Variants in PTP4A2 observed in about 807,000 individuals in gnomAD.
The protein encoded by PTP4A2 is protein tyrosine phosphatase type IVA 2.
In PTP4A2, 2 loss-of-function variants were observed where a neutral mutation model predicts 22.9. The ratio of observed to expected loss-of-function variants is 0.09; its 90% CI spans 0.04 to 0.27. PTP4A2 has a LOEUF of 0.27. PTP4A2 is among the 10% of genes least tolerant of loss of function. PTP4A2 has a pLI of 1.00. For synonymous variants in PTP4A2, 68 were observed against 69.1 expected, an observed-to-expected ratio of 0.98 and a Z score of 0.08; for missense variants, 103 against 205.1, an observed-to-expected ratio of 0.50 and a Z score of 3.04.
intron 1 of PTP4A2, among the ~76,000 whole-genome samples, chr1:31,929,425 T>C (rs1652625362): frequency 6.6e-6 from 1 of 152,250 alleles, no homozygotes; most frequent in South Asian, 2.1e-4. Flanking sequence ...TCCATACTTT[T>C]GTGACAAAAG....
At chr1:31,928,258 A>T (rs1652563658) in intron 1 of PTP4A2, among the ~76,000 whole-genome samples, 2 of 147,998 alleles carry the variant, frequency 1.4e-5, no homozygotes, top group East Asian at 1.9e-4. Flanking sequence ...AATTATATAC[A>T]ATATAATATT....
intron 1 of PTP4A2, among the ~76,000 whole-genome samples, chr1:31,922,467 G>A (rs1449556389): frequency 6.6e-6 from 1 of 152,138 alleles, no homozygotes; most frequent in Non-Finnish European, 1.5e-5. Flanking sequence ...TGGGCAACAA[G>A]AGAGAAACTC....
rs1651356605 is a variant in PTP4A2, at chr1:31,908,372, A to C, written c.*480T>G. ...AAAAGGGAGATGTAGGAGAGGAAGGAAAAAAGAGGGGAAAAATATACCACC... is the reference window on the plus strand; with the variant it reads ...AAAAGGGAGATGTAGGAGAGGAAGGCAAAAAGAGGGGAAAAATATACCACC... On this transcript the variant is annotated 3_prime_UTR_variant, in exon 6 of 6. Transcript: ENST00000647444. 1 of 147,934 alleles carries C rather than the reference A, an allele frequency of 6.8e-6. No homozygotes were observed. Among genetic ancestry groups the C allele is most frequent in the South Asian group, 2.1e-4 (1 of 4,706 alleles). 9.2% of individuals were successfully genotyped at this position (147,934 alleles called of 1,614,324 possible).
Position 31,908,604 on chromosome 1 carries a change from A to T in PTP4A2, c.*248T>A. On this transcript the variant is annotated 3_prime_UTR_variant, in exon 6 of 6. Transcript: ENST00000647444. ...ATCCTGGCAGAAATTCAAACTCCAAAACTAGGAGCAAAATCATCCTTCACT... is the reference window on the plus strand; with the variant it reads ...ATCCTGGCAGAAATTCAAACTCCAATACTAGGAGCAAAATCATCCTTCACT... 6.0e-6 allele frequency: 2 copies of T among 332,832 alleles called. No homozygotes were observed. Among genetic ancestry groups the T allele is most frequent in the Non-Finnish European group, 1.1e-5 (2 of 183,512 alleles). 20.6% of individuals were successfully genotyped at this position (332,832 alleles called of 1,614,324 possible). A position where few individuals can be genotyped will look rare whatever the true frequency, so the allele number is the denominator to read the frequency against.
At position 31,938,368 on chromosome 1, in the gene PTP4A2, G is replaced by A. The variant is rs927815880; in HGVS notation, c.-975C>T. On this transcript the variant is annotated 5_prime_UTR_variant, in exon 1 of 6. Coordinates refer to ENST00000647444, the MANE Select transcript of PTP4A2 (RefSeq NM_080391.4). This position sits in a 1 kb window ranked among gnomAD's most constrained non-coding sequence, Gnocchi z 4.4. ...ACCACCACCGCTGCGCGCGCAGCCG[G>A]AACCAGCTCCCGCCGCCGCCCCTCA... 2.0e-5 allele frequency: 3 copies of A among 149,004 alleles called. No homozygotes were observed. Among genetic ancestry groups the A allele is most frequent in the Admixed American group, 6.7e-5 (1 of 14,974 alleles). The allele number at this position is 149,004 out of a possible 1,614,324, so 9.2% of individuals were successfully genotyped here. A position where few individuals can be genotyped will look rare whatever the true frequency, so the allele number is the denominator to read the frequency against.
chr1:31,929,212 T>C lies in PTP4A2; in HGVS notation c.-594+8775A>G, dbSNP rs1263721385. ...AATCTCTTATCTAAAATTGGTATTT[T>C]TCCTTTCATAAATAAAATTTAAATG... On this transcript the variant is annotated intron_variant, in intron 1 of 5. Transcript: ENST00000647444. Among the ~76,000 whole-genome samples, 8 of 152,254 alleles carry C rather than the reference T, an allele frequency of 5.3e-5. No homozygotes were observed. In the South Asian group the frequency reaches 1.4e-3, roughly 28 times the overall value.
intron 1 of PTP4A2, among the ~76,000 whole-genome samples, chr1:31,935,003 T>C (rs1652872887): frequency 6.6e-6 from 1 of 152,212 alleles, no homozygotes; most frequent in Non-Finnish European, 1.5e-5. Flanking sequence ...AGTAGAAAGA[T>C]CTTAGTGGTA....
chr1:31,936,840 T>C (rs530266269), intron 1 of PTP4A2, among the ~76,000 whole-genome samples: 39 of 152,278 alleles, frequency 2.6e-4, no homozygotes, highest in Non-Finnish European at 4.6e-4. Context: ...CTGAAACTAC[T>C]CTCTCTTACA....
chr1:31,925,553 T>TA, intron 1 of PTP4A2, among the ~76,000 whole-genome samples: 1 of 151,164 alleles, frequency 6.6e-6, no homozygotes, highest in Non-Finnish European at 1.5e-5. Flanking sequence ...GGTCAGGAGA[T>TA]AAGAGACCAT....
intron 1 of PTP4A2, chr1:31,921,392 G>C (rs1184529743): frequency 6.6e-6 from 1 of 151,944 alleles, no homozygotes; most frequent in Non-Finnish European, 1.5e-5. Context: ...TTCTATTTCA[G>C]TTTACCTTTT....
intron 1 of PTP4A2, among the ~76,000 whole-genome samples, chr1:31,934,669 AAAAT>A (rs879680174): frequency 1.5e-4 from 23 of 152,248 alleles, no homozygotes; most frequent in Admixed American, 3.3e-4. Context: ...ATTCTAAAGA[AAAAT>A]AAATCCAATT....
intron 1 of PTP4A2, chr1:31,933,198 C>A: frequency 6.6e-6 from 1 of 152,466 alleles, no homozygotes; most frequent in South Asian, 2.1e-4. Context: ...GATGTTGTCT[C>A]TATGTTGCCC....
At chr1:31,916,387 T>A (rs1354677716) in intron 2 of PTP4A2, among the ~76,000 whole-genome samples, 47 of 131,904 alleles carry the variant, frequency 3.6e-4, no homozygotes, top group African/African-American at 1.1e-3. Context: ...TCTACTATTA[T>A]AAATTAAAAC....
intron 1 of PTP4A2, among the ~76,000 whole-genome samples, chr1:31,920,477 G>A (rs1410261999): frequency 6.7e-6 from 1 of 148,934 alleles, no homozygotes; most frequent in Non-Finnish European, 1.5e-5. Context: ...TCAGAGACTC[G>A]ATTACTTTTA....
chr1:31,934,550 AAAAT>A (rs1652853924), intron 1 of PTP4A2, among the ~76,000 whole-genome samples: 1 of 152,238 alleles, frequency 6.6e-6, no homozygotes, highest in South Asian at 2.1e-4. Context: ...CAAATCCTGT[AAAAT>A]AAATCCCTAC....
At chr1:31,924,354 AAGCTTC>A (rs1652349121) in intron 1 of PTP4A2, among the ~76,000 whole-genome samples, 2 of 152,238 alleles carry the variant, frequency 1.3e-5, no homozygotes, top group Admixed American at 1.3e-4. Flanking sequence ...TGATAAAAAC[AAGCTTC>A]TGTTCCCTCC....
chr1:31,925,082 A>T (rs533723398), intron 1 of PTP4A2, among the ~76,000 whole-genome samples: 4 of 152,348 alleles, frequency 2.6e-5, no homozygotes, highest in African/African-American at 9.6e-5. Context: ...CTGGAAGATT[A>T]CAAAGATAAG....
At chr1:31,931,543 A>G (rs1310639283) in intron 1 of PTP4A2, among the ~76,000 whole-genome samples, 1 of 152,200 alleles carries the variant, frequency 6.6e-6, no homozygotes, top group Non-Finnish European at 1.5e-5. Context: ...AATTACCAAA[A>G]AGCTTAACAA....
At chr1:31,932,799 A>G (rs1309684694) in intron 1 of PTP4A2, 1 of 152,182 alleles carries the variant, frequency 6.6e-6, no homozygotes, top group African/African-American at 2.4e-5. Context: ...TACCACTCCA[A>G]AGAGCAAAAA....
Sources: allele counts gnomAD v4.1 joint callset (sites outside exome capture counted in the v4.1 genomes callset), GRCh38; gene constraint gnomAD v4.1.1; non-coding constraint Gnocchi (gnomAD v3.1); transcripts MANE v1.5; gene names NCBI Gene and HGNC (gene_info 2026-07-23, HGNC 2026-07-21).